The following POU2F1 variants were observed in gnomAD, a reference collection of about 807,000 sequenced individuals.
The protein encoded by POU2F1 is POU class 2 homeobox 1, also known as POU domain, class 2, transcription factor 1.
In POU2F1, 16 loss-of-function variants were observed where a neutral mutation model predicts 84.9. That is an observed-to-expected ratio of 0.19 (90% CI 0.13 to 0.29). The LOEUF (loss-of-function observed/expected upper bound fraction) is 0.29, where lower values mean the gene tolerates loss of function less well. POU2F1 is among the 10% of genes least tolerant of loss of function. The pLI is 1.00. For missense variants in POU2F1, 738 were observed against 942.6 expected (o/e 0.78, Z 2.84); for synonymous variants, 368 against 368.3 (o/e 1.00, Z 0.01).
chr1:167,348,890 TA>T (rs1658377740), intron 2 of POU2F1, among the ~76,000 whole-genome samples: 2 of 152,158 alleles, frequency 1.3e-5, no homozygotes, highest in South Asian at 4.1e-4. Context: ...ACAGTGACAG[TA>T]CCTTATTCTT....
At chr1:167,342,129 A>T (rs1657901080) in intron 2 of POU2F1, among the ~76,000 whole-genome samples, 2 of 152,144 alleles carry the variant, frequency 1.3e-5, no homozygotes, top group South Asian at 4.1e-4. Context: ...GCGCAAAAAC[A>T]GAAATACCTG....
chr1:167,387,680 G>A (rs947771019), intron 8 of POU2F1, among the ~76,000 whole-genome samples: 4 of 152,102 alleles, frequency 2.6e-5, no homozygotes, highest in East Asian at 1.9e-4. Flanking sequence ...GTTTATAATC[G>A]CTCACCTGGG....
chr1:167,404,622 G>A (rs1190650725), intron 13 of POU2F1, among the ~76,000 whole-genome samples: 2 of 152,166 alleles, frequency 1.3e-5, no homozygotes, highest in Non-Finnish European at 2.9e-5. Flanking sequence ...CTGGTAGAAG[G>A]AGGGAAAGGC....
At chr1:167,236,035 T>C (rs1461855983) in intron 1 of POU2F1, among the ~76,000 whole-genome samples, 1 of 152,198 alleles carries the variant, frequency 6.6e-6, no homozygotes. Context: ...TAACTATTAG[T>C]CTTTTAAATT....
At chr1:167,328,053 A>T (rs74723577) in intron 1 of POU2F1, among the ~76,000 whole-genome samples, 7,887 of 152,270 alleles carry the variant, frequency 0.052, 284 homozygotes, top group East Asian at 0.15. Context: ...TTGAATAAAC[A>T]TATAGTTTAG....
chr1:167,236,916 A>G (rs900612041), intron 1 of POU2F1, among the ~76,000 whole-genome samples: 7 of 152,216 alleles, frequency 4.6e-5, no homozygotes, highest in African/African-American at 1.7e-4. Flanking sequence ...TAAAGGAGAA[A>G]TGGAAAGATA....
intron 2 of POU2F1, among the ~76,000 whole-genome samples, chr1:167,337,619 G>A (rs1657557512): frequency 6.6e-6 from 1 of 151,868 alleles, no homozygotes; most frequent in Admixed American, 6.6e-5. Flanking sequence ...AATCAGTGAA[G>A]GCCGTCTGTG....
At position 167,422,313 on chromosome 1, in the gene POU2F1, T is replaced by C. The variant is rs1388224382; in HGVS notation, c.*6503T>C. On this transcript the variant is annotated 3_prime_UTR_variant, in exon 16 of 16. Coordinates refer to ENST00000367866, the MANE Select transcript of POU2F1 (RefSeq NM_002697.4). ...AGCCAAGAGGTGAGTGATTGATGTATCTTAAATCTAGGAAAGTTAAAGTGA... is the reference window on the plus strand; with the variant it reads ...AGCCAAGAGGTGAGTGATTGATGTACCTTAAATCTAGGAAAGTTAAAGTGA... 1 of 152,248 alleles carries C rather than the reference T, an allele frequency of 6.6e-6. No homozygotes were observed. The highest frequency in any genetic ancestry group is 1.9e-4 in the East Asian group (1 of 5,208). The allele number at this position is 152,248 out of a possible 1,614,324, so 9.4% of individuals were successfully genotyped here.
At chr1:167,285,616 A>G (rs1653475005) in intron 1 of POU2F1, among the ~76,000 whole-genome samples, 1 of 152,210 alleles carries the variant, frequency 6.6e-6, no homozygotes, top group South Asian at 2.1e-4. Flanking sequence ...AGTATTTTTA[A>G]TAAAGGTTTT....
At chr1:167,246,356 G>C (rs142329269) in intron 1 of POU2F1, among the ~76,000 whole-genome samples, 1,674 of 152,250 alleles carry the variant, frequency 0.011, 26 homozygotes, top group Middle Eastern at 0.031. Flanking sequence ...TTAGTGCCAA[G>C]TTTATGCCTC....
Position 167,413,157 on chromosome 1 carries a change from G to GT in POU2F1, c.1990+44dup, listed in dbSNP as rs775258262. The GT allele has an allele frequency of 9.3e-6, 13 of 1,398,296 alleles. No homozygotes were observed. The East Asian group carries it at 3.0e-4, about 32-fold the overall frequency. The allele number at this position is 1,398,296 out of a possible 1,614,324, so 86.6% of individuals were successfully genotyped here. A position where few individuals can be genotyped will look rare whatever the true frequency, so the allele number is the denominator to read the frequency against. On this transcript the variant is annotated intron_variant, in intron 15 of 15. Transcript: ENST00000367866. ...TCTTAATTTGGTGGCATGCACGTGT[G>GT]TGTGAGTGTGTGTGTGTGTGTGTGT...
Position 167,389,767 on chromosome 1 carries a change from GT to G in POU2F1, c.987+7del. The G allele has an allele frequency of 6.2e-7, 1 of 1,611,500 alleles. No homozygotes were observed. The highest frequency in any genetic ancestry group is 1.3e-5 in the African/African-American group (1 of 74,986). ...TCAAACTTGGATTCACTCAGGTAGG[GT>G]GAATTGGCCTTACATTGATTCCCCT... is the stretch of plus-strand genomic sequence containing the variant. On this transcript the variant is annotated splice_region_variant and intron_variant, in intron 9 of 15. Transcript: ENST00000367866.
At chr1:167,222,660 C>T (rs1188033276) in intron 1 of POU2F1, among the ~76,000 whole-genome samples, 2 of 152,176 alleles carry the variant, frequency 1.3e-5, no homozygotes, top group Admixed American at 6.5e-5. Flanking sequence ...CACACACTTT[C>T]CCCTCCTCTG....
At chr1:167,358,737 T>TTTTTTTTTTGG (rs71097670) in intron 2 of POU2F1, among the ~76,000 whole-genome samples, 3 of 88,770 alleles carry the variant, frequency 3.4e-5, no homozygotes, top group Non-Finnish European at 6.7e-5. Context: ...TTTTTTTTTT[T>TTTTTTTTTTGG]GAGACAGGTT....
At chr1:167,278,451 G>C (rs1354701193) in intron 1 of POU2F1, among the ~76,000 whole-genome samples, 2 of 152,180 alleles carry the variant, frequency 1.3e-5, no homozygotes, top group African/African-American at 2.4e-5. Flanking sequence ...ATGGTTAAAT[G>C]ACTTGAGTTT....
In POU2F1 at chr1:167,292,061, A is replaced by G. The variant is rs549658363; in HGVS notation, c.62-40409A>G. On this transcript the variant is annotated intron_variant, in intron 1 of 15. Coordinates refer to ENST00000367866, the MANE Select transcript of POU2F1 (RefSeq NM_002697.4). ...TGTGTGTGTGTCTGTGTACACAAAT[A>G]TTTATATTACCGTGTCTCAGTGCTT... 3.9e-5 allele frequency among the ~76,000 whole-genome samples: 6 copies of G among 152,102 alleles called. No homozygotes were observed. In the East Asian group the frequency reaches 1.2e-3, roughly 29 times the overall value.
rs150583535 is a variant in POU2F1 at position 167,267,724 on chromosome 1, C to T, written c.61+46766C>T. Reference sequence around the variant, plus strand: ...TGGTGCGATCTTGACTCACTGCAAGCTCCGCCTCCCAGGTTCATGCCATTC... The same window carrying T: ...TGGTGCGATCTTGACTCACTGCAAGTTCCGCCTCCCAGGTTCATGCCATTC... On this transcript the variant is annotated intron_variant, in intron 1 of 15. Coordinates refer to ENST00000367866, the MANE Select transcript of POU2F1 (RefSeq NM_002697.4). Among the ~76,000 whole-genome samples the T allele has an allele frequency of 1.0e-3, 129 of 128,674 alleles. 2 individuals carry two copies. In the East Asian group the frequency reaches 0.024, roughly 24 times the overall value. 84.4% of individuals were successfully genotyped at this position (128,674 alleles called of 152,430 possible).
chr1:167,365,765 G>A (rs1167677756), intron 3 of POU2F1, among the ~76,000 whole-genome samples, 198 bp downstream of exon 3: 2 of 152,354 alleles, frequency 1.3e-5, no homozygotes, highest in African/African-American at 4.8e-5. Flanking sequence ...CCCCACAGGT[G>A]TGTGGGAAAC....
chr1:167,378,281 G>A (rs1208297026), intron 7 of POU2F1, among the ~76,000 whole-genome samples: 2 of 152,172 alleles, frequency 1.3e-5, no homozygotes, highest in African/African-American at 4.8e-5. Context: ...TGTTGCCCAG[G>A]CTGGAGTGCA....
Sources: allele counts gnomAD v4.1 joint callset (sites outside exome capture counted in the v4.1 genomes callset), GRCh38; gene constraint gnomAD v4.1.1; transcripts MANE v1.5; gene names NCBI Gene and HGNC (gene_info 2026-07-23, HGNC 2026-07-21).